TBC1D31: variants seen among roughly 807,000 people sequenced by gnomAD.
The protein encoded by TBC1D31 is WD repeat domain 67.
TBC1D31 carries 99 observed loss-of-function variants against 132.9 expected under a neutral mutation model. The ratio of observed to expected loss-of-function variants is 0.74; its 90% CI spans 0.63 to 0.88. The LOEUF (loss-of-function observed/expected upper bound fraction) is 0.88. Ranked by LOEUF, TBC1D31 falls within the 40% of genes least tolerant of loss-of-function variation. The pLI, the probability that TBC1D31 is intolerant of heterozygous loss-of-function variation, is 0.00. For synonymous variants in TBC1D31, 385 were observed against 419.4 expected (o/e 0.92, Z 1.00); for missense variants, 1,134 against 1,256.6 (o/e 0.90, Z 1.48).
chr8:123,104,000 A>G (rs1378643733), intron 7 of TBC1D31: 1 of 151,936 alleles, frequency 6.6e-6, no homozygotes, highest in South Asian at 2.1e-4. Flanking sequence ...TTTTCTTGTC[A>G]TTGGAGAATT....
chr8:123,121,597 G>A (rs1819493611), intron 11 of TBC1D31, among the ~76,000 whole-genome samples: 1 of 152,034 alleles, frequency 6.6e-6, no homozygotes, highest in Non-Finnish European at 1.5e-5. Flanking sequence ...CACCTGCCCT[G>A]TGCTCTCGTT....
At chr8:123,072,921 C>A in intron 1 of TBC1D31, 75 bp downstream of exon 1, 1 of 1,444,682 alleles carries the variant, frequency 6.9e-7, no homozygotes, top group Non-Finnish European at 9.5e-7. Context: ...GGGCGTCAGG[C>A]AGCGTTCCGG....
rs765115223 is a variant in TBC1D31 at position 123,126,554 on chromosome 8, C to T, written c.1751C>T (p.Thr584Ile). Reference protein sequence around the residue: ...LLETVFSEVLTREEWLKLFDN... With the variant: ...LLETVFSEVLIREEWLKLFDN... ...GAAACTGTGTTCTCAGAAGTGCTGA[C>T]AAGAGAGGAGTGGCTGAAATTGTTC... The change falls in exon 13 of 22, where the codon ACA (threonine) becomes ATA (isoleucine). Residue 584 changes from threonine to isoleucine, a missense_variant. Coordinates refer to ENST00000287380, the MANE Select transcript of TBC1D31 (RefSeq NM_145647.4). 12 of 1,613,946 alleles carry T rather than the reference C, an allele frequency of 7.4e-6. No homozygotes were observed. In the Admixed American group the frequency reaches 1.7e-4, roughly 22 times the overall value.
chr8:123,128,415 G>A lies in TBC1D31; in HGVS notation c.2019G>A (p.Gln673=). 1 of 1,613,634 alleles carries A rather than the reference G, an allele frequency of 6.2e-7. No homozygotes were observed. Among genetic ancestry groups the A allele is most frequent in the Non-Finnish European group, 8.5e-7 (1 of 1,179,646 alleles). The change falls in exon 14 of 22, where the codon CAG becomes CAA. Residue 673 remains glutamine, a synonymous_variant. Coordinates refer to ENST00000287380, the MANE Select transcript of TBC1D31 (RefSeq NM_145647.4). The part of the protein sequence containing the change: ...LNVFVALTKG[Q]YPVFNQYPKF... ...TTTTTGTTGCACTGACAAAAGGGCA[G>A]TATCCAGTATTTAATCAATATCCAA...
chr8:123,087,953 C>T (rs1443966370), intron 4 of TBC1D31, among the ~76,000 whole-genome samples: 1 of 151,964 alleles, frequency 6.6e-6, no homozygotes, highest in Non-Finnish European at 1.5e-5. Context: ...GAGTCCCAGG[C>T]GGGGGGATCA....
intron 10 of TBC1D31, among the ~76,000 whole-genome samples, chr8:123,112,297 G>T (rs1453195510): frequency 6.6e-6 from 1 of 152,006 alleles, no homozygotes; most frequent in African/African-American, 2.4e-5. Context: ...AATTTAATTT[G>T]TTTTATACTT....
At chr8:123,080,855 C>A (rs867906409) in intron 2 of TBC1D31, among the ~76,000 whole-genome samples, 2 of 152,086 alleles carry the variant, frequency 1.3e-5, no homozygotes, top group Admixed American at 1.3e-4. Flanking sequence ...CTTATATCTG[C>A]TTTTTCTCAT....
At chr8:123,145,509 T>C (rs1300710214) in intron 20 of TBC1D31, among the ~76,000 whole-genome samples, 1 of 152,134 alleles carries the variant, frequency 6.6e-6, no homozygotes, top group Non-Finnish European at 1.5e-5. Context: ...TGATCCAACA[T>C]TAGGTTTCGA....
intron 2 of TBC1D31, among the ~76,000 whole-genome samples, chr8:123,080,675 T>G (rs1815056541): frequency 6.6e-6 from 1 of 151,774 alleles, no homozygotes; most frequent in Admixed American, 6.6e-5. Flanking sequence ...TAGCTGGGAC[T>G]ACAGGTATGT....
chr8:123,093,777 G>T lies in TBC1D31; in HGVS notation c.671+35G>T, dbSNP rs763275930. On this transcript the variant is annotated intron_variant, in intron 5 of 21. Coordinates refer to ENST00000287380, the MANE Select transcript of TBC1D31 (RefSeq NM_145647.4). The stretch of plus-strand genomic sequence containing the variant: ...ATTTTAAGACACTAGGAATATTTAA[G>T]AAATTTAATTTCTGGTAAAAAATTA... 7 of 1,334,678 alleles carry T rather than the reference G, an allele frequency of 5.2e-6. No individual in the cohort carries two copies. The South Asian group carries it at 1.2e-4, about 24-fold the overall frequency. 82.7% of individuals were successfully genotyped at this position (1,334,678 alleles called of 1,614,324 possible).
intron 16 of TBC1D31, 49 bp from the exon 17 acceptor site, chr8:123,134,065 T>A (rs1820858801): frequency 7.1e-7 from 1 of 1,407,212 alleles, no homozygotes; most frequent in Non-Finnish European, 9.9e-7. Flanking sequence ...ATATTAAAAA[T>A]TATTTTGTAA....
intron 20 of TBC1D31, among the ~76,000 whole-genome samples, chr8:123,147,776 G>T (rs1241197612): frequency 6.6e-6 from 1 of 152,088 alleles, no homozygotes; most frequent in South Asian, 2.1e-4. Flanking sequence ...AGGGTATATA[G>T]ATTTAATCAG....
At chr8:123,143,914 C>T (rs887528252) in intron 19 of TBC1D31, among the ~76,000 whole-genome samples, 4 of 152,164 alleles carry the variant, frequency 2.6e-5, no homozygotes, top group African/African-American at 9.7e-5. Context: ...GGGCCCTTCA[C>T]GTTCTGCAGA....
chr8:123,144,042 GAT>G (rs1408186552), intron 19 of TBC1D31, among the ~76,000 whole-genome samples: 3 of 152,026 alleles, frequency 2.0e-5, no homozygotes, highest in African/African-American at 7.3e-5. Flanking sequence ...GGATTTCTGT[GAT>G]CCTTCCTTAC....
intron 1 of TBC1D31, among the ~76,000 whole-genome samples, chr8:123,076,902 A>G (rs1312626553): frequency 6.6e-6 from 1 of 152,198 alleles, no homozygotes. Flanking sequence ...GTATTTGATG[A>G]ATGAATAAAC....
intron 1 of TBC1D31, 125 bp from the exon 2 acceptor site, chr8:123,076,986 G>A (rs1366197225): frequency 3.9e-5 from 32 of 813,026 alleles, no homozygotes; most frequent in South Asian, 8.6e-5. Flanking sequence ...CTAGAGGAGC[G>A]GGGGTATAGC....
At chr8:123,107,846 T>C (rs956114870) in intron 8 of TBC1D31, among the ~76,000 whole-genome samples, 1 of 152,226 alleles carries the variant, frequency 6.6e-6, no homozygotes, top group African/African-American at 2.4e-5. Context: ...AACTAATCTT[T>C]GCATTAGCAC....
chr8:123,086,862 C>T (rs1458493123), intron 4 of TBC1D31, among the ~76,000 whole-genome samples: 1 of 152,104 alleles, frequency 6.6e-6, no homozygotes, highest in South Asian at 2.1e-4. Context: ...GGATTACAGT[C>T]GTGCGCCATG....
chr8:123,126,917 T>C (rs1304454407), intron 13 of TBC1D31, among the ~76,000 whole-genome samples: 1 of 151,888 alleles, frequency 6.6e-6, no homozygotes, highest in African/African-American at 2.4e-5. Context: ...AATTTTTGTA[T>C]TTTTAGTAGA....
Sources: gnomAD v4.1 joint callset for allele counts (sites outside exome capture counted in the v4.1 genomes callset) on GRCh38, gnomAD v4.1.1 for gene constraint, MANE v1.5 for transcripts, NCBI Gene and HGNC (gene_info 2026-07-23, HGNC 2026-07-21) for gene names.